Variants in KLHL20 observed in about 807,000 individuals in gnomAD.
KLHL20 encodes kelch like family member 20, also known as kelch-like protein 20.
KLHL20 carries 29 observed loss-of-function variants against 69.5 expected under a neutral mutation model. The ratio of observed to expected loss-of-function variants is 0.42; its 90% CI spans 0.31 to 0.57. The LOEUF (loss-of-function observed/expected upper bound fraction) is 0.57. KLHL20 is among the 20% of genes least tolerant of loss of function. The pLI is 0.18. For synonymous variants in KLHL20, 253 were observed against 265.2 expected, an observed-to-expected ratio of 0.95 and a Z score of 0.45; for missense variants, 419 against 776.0, an observed-to-expected ratio of 0.54 and a Z score of 5.47.
chr1:173,748,351 A>G (rs575248868), intron 3 of KLHL20, among the ~76,000 whole-genome samples: 1 of 152,304 alleles, frequency 6.6e-6, no homozygotes, highest in South Asian at 2.1e-4. Context: ...ACTACAGATC[A>G]GTATCTCTCA....
chr1:173,764,511 T>C (rs1571915193), intron 7 of KLHL20, among the ~76,000 whole-genome samples: 1 of 152,154 alleles, frequency 6.6e-6, no homozygotes, highest in Non-Finnish European at 1.5e-5. Context: ...AAAGAAACTG[T>C]GGTGTATATA....
At chr1:173,763,711 G>A (rs1647473173) in intron 7 of KLHL20, among the ~76,000 whole-genome samples, 1 of 151,886 alleles carries the variant, frequency 6.6e-6, no homozygotes, top group African/African-American at 2.4e-5. Flanking sequence ...TGGATCCTCA[G>A]CTCTCACCTT....
intron 2 of KLHL20, among the ~76,000 whole-genome samples, chr1:173,722,366 G>A (rs1311043636): frequency 6.6e-6 from 1 of 152,090 alleles, no homozygotes; most frequent in Non-Finnish European, 1.5e-5. Flanking sequence ...CTACACTTGT[G>A]ATCCCAGCAC....
chr1:173,780,138 C>T (rs973974279), intron 10 of KLHL20, among the ~76,000 whole-genome samples: 1 of 152,206 alleles, frequency 6.6e-6, no homozygotes, highest in Admixed American at 6.5e-5. Context: ...AAGGTGTCAG[C>T]AAGTCAAAGC....
intron 7 of KLHL20, among the ~76,000 whole-genome samples, chr1:173,764,302 G>C (rs1240208201): frequency 6.6e-6 from 1 of 152,180 alleles, no homozygotes; most frequent in African/African-American, 2.4e-5. Flanking sequence ...CAGCCACTAT[G>C]GAAAACAGTG....
At chr1:173,740,910 G>A (rs1369947644) in intron 3 of KLHL20, among the ~76,000 whole-genome samples, 1 of 152,160 alleles carries the variant, frequency 6.6e-6, no homozygotes, top group African/African-American at 2.4e-5. Context: ...CCCTTCCCCA[G>A]TTCCACTGGC....
At position 173,756,434 on chromosome 1, in the gene KLHL20, G is replaced by C. The variant is rs1264704334; in HGVS notation, c.967+396G>C. On this transcript the variant is annotated intron_variant, in intron 6 of 11. Coordinates refer to ENST00000209884, the MANE Select transcript of KLHL20 (RefSeq NM_014458.4). ...TAGTCCCAGCTACTTGGGAGGCTGA[G>C]ACAGGAGGATGGCTTGAGCCTAGGA... 5.3e-5 allele frequency among the ~76,000 whole-genome samples: 8 copies of C among 151,462 alleles called. No individual in the cohort carries two copies. The East Asian group carries it at 1.5e-3, about 29-fold the overall frequency.
At chr1:173,739,518 T>A (rs1672692779) in intron 3 of KLHL20, among the ~76,000 whole-genome samples, 1 of 152,086 alleles carries the variant, frequency 6.6e-6, no homozygotes, top group African/African-American at 2.4e-5. Flanking sequence ...CTGGTTTAAT[T>A]TAGGAGGGTT....
At chr1:173,745,355 G>A (rs563575040) in intron 3 of KLHL20, among the ~76,000 whole-genome samples, 1 of 151,400 alleles carries the variant, frequency 6.6e-6, no homozygotes, top group South Asian at 2.1e-4. Context: ...TAGAGACAAG[G>A]TTTCACCATG....
At chr1:173,755,857 C>A in intron 5 of KLHL20, 66 bp from the exon 6 acceptor site, 1 of 1,049,048 alleles carries the variant, frequency 9.5e-7, no homozygotes, top group Non-Finnish European at 1.4e-6. Flanking sequence ...TATTCCTAAA[C>A]TACATTGGGA....
At position 173,743,538 on chromosome 1, in the gene KLHL20, T is replaced by TAA. The variant is rs200554676; in HGVS notation, c.598-8214_598-8213dup. The stretch of plus-strand genomic sequence containing the variant: ...TATGATGGTTGCAAAGTGGTGATTT[T>TAA]AAAAAAAAAAAAACTCCATTTTCTG... On this transcript the variant is annotated intron_variant, in intron 3 of 11. Coordinates refer to ENST00000209884, the MANE Select transcript of KLHL20 (RefSeq NM_014458.4). 1.9e-3 allele frequency among the ~76,000 whole-genome samples: 283 copies of TAA among 148,896 alleles called. 1 individual carries two copies. The highest frequency in any genetic ancestry group is 6.8e-3 in the African/African-American group (272 of 39,820).
intron 3 of KLHL20, among the ~76,000 whole-genome samples, chr1:173,743,645 G>A (rs1409383132): frequency 6.6e-6 from 1 of 151,956 alleles, no homozygotes; most frequent in East Asian, 1.9e-4. Context: ...ATTCTATTCA[G>A]TAGATTAGTG....
intron 7 of KLHL20, among the ~76,000 whole-genome samples, chr1:173,765,676 A>T (rs1558215086): frequency 6.6e-6 from 1 of 152,172 alleles, no homozygotes; most frequent in Non-Finnish European, 1.5e-5. Context: ...ATATAATAGT[A>T]AAATAATTCA....
At chr1:173,751,695 T>C (rs1673322186) in intron 3 of KLHL20, 69 bp from the exon 4 acceptor site, 1 of 1,501,454 alleles carries the variant, frequency 6.7e-7, no homozygotes, top group Admixed American at 1.7e-5. Flanking sequence ...CCCATAACCC[T>C]GAAGAAAAAC....
At chr1:173,782,100 GC>G (rs1648918945) in intron 10 of KLHL20, 23 bp from the exon 11 acceptor site, 1 of 1,538,618 alleles carries the variant, frequency 6.5e-7, no homozygotes, top group South Asian at 1.1e-5. Context: ...TTCTTCAGCA[GC>G]TTACTGTATT....
chr1:173,733,476 G>A (rs945643158), intron 2 of KLHL20, among the ~76,000 whole-genome samples: 2 of 152,192 alleles, frequency 1.3e-5, no homozygotes, highest in Middle Eastern at 3.4e-3. Flanking sequence ...GACCAGGCAT[G>A]TTGGCTTATG....
At chr1:173,778,463 G>C (rs1009367531) in intron 10 of KLHL20, among the ~76,000 whole-genome samples, 1 of 151,798 alleles carries the variant, frequency 6.6e-6, no homozygotes, top group Non-Finnish European at 1.5e-5. Context: ...CCATTAGCTG[G>C]GACTACATGT....
intron 3 of KLHL20, among the ~76,000 whole-genome samples, chr1:173,740,405 C>G (rs916123819): frequency 6.6e-6 from 1 of 151,896 alleles, no homozygotes; most frequent in South Asian, 2.1e-4. Context: ...CCACCATGCC[C>G]GGCCTATCAT....
intron 8 of KLHL20, among the ~76,000 whole-genome samples, chr1:173,766,904 T>C (rs116887901): frequency 6.6e-6 from 1 of 152,250 alleles, no homozygotes; most frequent in East Asian, 1.9e-4. Flanking sequence ...CACATACTTA[T>C]GATTTATTTG....
Sources: allele counts gnomAD v4.1 joint callset (sites outside exome capture counted in the v4.1 genomes callset), GRCh38; gene constraint gnomAD v4.1.1; transcripts MANE v1.5; gene names NCBI Gene and HGNC (gene_info 2026-07-23, HGNC 2026-07-21).